Variants in ELK3 observed in about 807,000 individuals in gnomAD.
ELK3 encodes the protein ETS domain-containing protein Elk-3.
Under a neutral mutation model 28.9 loss-of-function variants are expected in ELK3, and 10 were observed. That is an observed-to-expected ratio of 0.35 (90% CI 0.21 to 0.59). ELK3 has a LOEUF of 0.59. Among genes scored for constraint, ELK3 ranks in the 20% least tolerant of loss-of-function variants. ELK3 has a pLI of 0.82. For missense variants in ELK3, 463 were observed against 517.3 expected (o/e 0.90, Z 1.02); for synonymous variants, 272 against 243.5 (o/e 1.12, Z -1.09).
At chr12:96,201,864 G>A (rs1197664639) in intron 1 of ELK3, among the ~76,000 whole-genome samples, 3 of 152,174 alleles carry the variant, frequency 2.0e-5, no homozygotes, top group Non-Finnish European at 4.4e-5. Flanking sequence ...GAACACTCCA[G>A]TGGAAGGCCA....
At chr12:96,260,897 T>TC (rs1249717732) in intron 4 of ELK3, among the ~76,000 whole-genome samples, 2 of 152,212 alleles carry the variant, frequency 1.3e-5, no homozygotes, top group African/African-American at 4.8e-5. Context: ...TGCCTGTTGA[T>TC]CTGGCAATCT....
At position 96,246,187 on chromosome 12, in the gene ELK3, T is replaced by C. The variant is rs536616266; in HGVS notation, c.208-753T>C. Among the ~76,000 whole-genome samples, 3 of 152,360 alleles carry C rather than the reference T, an allele frequency of 2.0e-5. No homozygotes were observed. In the South Asian group the frequency reaches 6.2e-4, roughly 32 times the overall value. On this transcript the variant is annotated intron_variant, in intron 2 of 4. Transcript: ENST00000228741. ...AGGTAGGTAAGACAATACTGTGTTA[T>C]GGTTCAGGACATGCTGCCTCTACCA...
At chr12:96,256,169 A>G (rs1951946510) in intron 3 of ELK3, among the ~76,000 whole-genome samples, 1 of 152,120 alleles carries the variant, frequency 6.6e-6, no homozygotes, top group African/African-American at 2.4e-5. Context: ...TGCCATCTGT[A>G]AGGTGATAGG....
At chr12:96,201,650 C>A (rs80158777) in intron 1 of ELK3, among the ~76,000 whole-genome samples, 3 of 151,214 alleles carry the variant, frequency 2.0e-5, no homozygotes, top group Non-Finnish European at 4.4e-5. Context: ...AAGTCGGAAG[C>A]CCTATTTGTG....
At chr12:96,224,205 C>T (rs1951683054) in intron 2 of ELK3, among the ~76,000 whole-genome samples, 1 of 152,136 alleles carries the variant, frequency 6.6e-6, no homozygotes, top group Non-Finnish European at 1.5e-5. Context: ...AATTCAGTGC[C>T]TCAGTATCCT....
chr12:96,242,696 C>T (rs1255108018), intron 2 of ELK3, among the ~76,000 whole-genome samples: 4 of 152,206 alleles, frequency 2.6e-5, no homozygotes, highest in African/African-American at 9.6e-5. Context: ...TCCTTACCAG[C>T]TCCCCTCGTC....
chr12:96,231,707 C>T (rs1331000966), intron 2 of ELK3, among the ~76,000 whole-genome samples: 1 of 152,184 alleles, frequency 6.6e-6, no homozygotes, highest in African/African-American at 2.4e-5. Flanking sequence ...TAGTCTCGAA[C>T]TCCTGACCTC....
chr12:96,226,924 G>A lies in ELK3; in HGVS notation c.207+3151G>A, dbSNP rs550672888. On this transcript the variant is annotated intron_variant, in intron 2 of 4. Coordinates refer to ENST00000228741, the MANE Select transcript of ELK3 (RefSeq NM_005230.4). Reference sequence around the variant, plus strand: ...AGGAGGCATGTCAAAAAGAGATGACGAAAACTACACTCTATTTGACATTTT... The same window carrying A: ...AGGAGGCATGTCAAAAAGAGATGACAAAAACTACACTCTATTTGACATTTT... 2.4e-3 allele frequency among the ~76,000 whole-genome samples: 363 copies of A among 152,296 alleles called. 1 individual carries two copies. Among genetic ancestry groups the A allele is most frequent in the Non-Finnish European group, 3.5e-3 (238 of 68,028 alleles).
At chr12:96,251,553 CAGTTAAGTATGTAAATGTA>C (rs1359095953) in intron 3 of ELK3, among the ~76,000 whole-genome samples, 1 of 151,960 alleles carries the variant, frequency 6.6e-6, no homozygotes, top group East Asian at 1.9e-4. Context: ...GCTCTTATAC[CAGTTAAGTATGTAAATGTA>C]AAGGAAGAGT....
At chr12:96,251,279 T>C (rs1184941381) in intron 3 of ELK3, among the ~76,000 whole-genome samples, 1 of 152,174 alleles carries the variant, frequency 6.6e-6, no homozygotes, top group East Asian at 1.9e-4. Flanking sequence ...ACTTGATCAG[T>C]GTTGTGTGTG....
At chr12:96,220,789 A>G (rs1951656608) in intron 1 of ELK3, among the ~76,000 whole-genome samples, 1 of 152,172 alleles carries the variant, frequency 6.6e-6, no homozygotes, top group South Asian at 2.1e-4. Flanking sequence ...ATGTATTTTA[A>G]TAGTCAGCTT....
At chr12:96,245,727 C>G (rs911713542) in intron 2 of ELK3, among the ~76,000 whole-genome samples, 1 of 152,098 alleles carries the variant, frequency 6.6e-6, no homozygotes, top group Non-Finnish European at 1.5e-5. Context: ...GCAAGGCACA[C>G]GCAAGCATTT....
chr12:96,212,549 C>T (rs1404949924), intron 1 of ELK3, among the ~76,000 whole-genome samples: 1 of 152,166 alleles, frequency 6.6e-6, no homozygotes, highest in Non-Finnish European at 1.5e-5. Context: ...CCCAGGACTT[C>T]TAAATCTGTT....
intron 1 of ELK3, among the ~76,000 whole-genome samples, chr12:96,203,245 T>C (rs967261804): frequency 1.3e-5 from 2 of 152,228 alleles, no homozygotes. Context: ...TATTCATTAA[T>C]GCTATTTTCT....
chr12:96,226,654 A>G lies in ELK3; in HGVS notation c.207+2881A>G, dbSNP rs371524326. Among the ~76,000 whole-genome samples the G allele has an allele frequency of 4.1e-4, 63 of 152,308 alleles. 1 individual carries two copies. Among genetic ancestry groups the G allele is most frequent in the African/African-American group, 1.5e-3 (63 of 41,568 alleles). On this transcript the variant is annotated intron_variant, in intron 2 of 4. Transcript: ENST00000228741. The stretch of plus-strand genomic sequence containing the variant: ...CACACCCACTTGCACATACATATCC[A>G]CATGCACACGTGGCCACTGCCATAT...
intron 3 of ELK3, among the ~76,000 whole-genome samples, chr12:96,255,721 T>C (rs1951943322): frequency 6.6e-6 from 1 of 152,112 alleles, no homozygotes; most frequent in Non-Finnish European, 1.5e-5. Flanking sequence ...TTATATATTT[T>C]AGGGAGGCAT....
At chr12:96,226,040 G>C (rs915197555) in intron 2 of ELK3, among the ~76,000 whole-genome samples, 1 of 152,156 alleles carries the variant, frequency 6.6e-6, no homozygotes, top group African/African-American at 2.4e-5. Flanking sequence ...GCTGAGGTGG[G>C]AGGATCATTT....
At chr12:96,252,803 A>T (rs1951917869) in intron 3 of ELK3, among the ~76,000 whole-genome samples, 1 of 152,258 alleles carries the variant, frequency 6.6e-6, no homozygotes, top group African/African-American at 2.4e-5. Flanking sequence ...TGTTGAAATG[A>T]CAACAAAGGA....
At chr12:96,202,919 G>C (rs537928744) in intron 1 of ELK3, among the ~76,000 whole-genome samples, 4 of 151,218 alleles carry the variant, frequency 2.6e-5, no homozygotes, top group Non-Finnish European at 4.4e-5. Context: ...ATGGAGTCTC[G>C]CTCCGTCGCC....
Sources: gnomAD v4.1 joint callset for allele counts (sites outside exome capture counted in the v4.1 genomes callset) on GRCh38, gnomAD v4.1.1 for gene constraint, MANE v1.5 for transcripts, NCBI Gene and HGNC (gene_info 2026-07-23, HGNC 2026-07-21) for gene names.